The following GARNL3 variants were observed in gnomAD, a reference collection of about 807,000 sequenced individuals.
The protein encoded by GARNL3 is GTPase activating Rap/RanGAP domain like 3.
Under a neutral mutation model 125.0 loss-of-function variants are expected in GARNL3, and 63 were observed. That is an observed-to-expected ratio of 0.50 (90% confidence interval 0.41 to 0.62). The LOEUF (loss-of-function observed/expected upper bound fraction) is 0.62, where lower values mean the gene tolerates loss of function less well. Among genes scored for constraint, GARNL3 ranks in the 20% least tolerant of loss-of-function variants. The pLI is 0.00. For synonymous variants in GARNL3, 439 were observed against 457.5 expected, an observed-to-expected ratio of 0.96 and a Z score of 0.52; for missense variants, 994 against 1,244.0, an observed-to-expected ratio of 0.80 and a Z score of 3.02.
intron 5 of GARNL3, among the ~76,000 whole-genome samples, chr9:127,318,893 T>C (rs1165975514): frequency 6.6e-6 from 1 of 152,188 alleles, no homozygotes; most frequent in East Asian, 1.9e-4. Flanking sequence ...TTATCAGGAA[T>C]TGGAGCCTCA....
At chr9:127,260,924 A>G (rs144750784), upstream of GARNL3, among the ~76,000 whole-genome samples, 108 of 152,208 alleles carry the variant, frequency 7.1e-4, 1 homozygote, top group African/African-American at 2.5e-3. Context: ...GTTATTGCTC[A>G]CTCATATCAG....
intron 11 of GARNL3, among the ~76,000 whole-genome samples, chr9:127,337,675 C>G (rs1829627905): frequency 1.3e-5 from 2 of 152,166 alleles, no homozygotes; most frequent in Admixed American, 1.3e-4. Context: ...CTACCAAACC[C>G]AAAAGGAGAG....
intron 1 of GARNL3, among the ~76,000 whole-genome samples, chr9:127,278,931 T>C (rs559517103): frequency 1.3e-5 from 2 of 152,278 alleles, no homozygotes; most frequent in South Asian, 4.2e-4. Flanking sequence ...TCACCCTCTC[T>C]TTTTCTCTTA....
Position 127,390,787 on chromosome 9 carries a change from C to T in GARNL3, c.2870+20C>T, listed in dbSNP as rs746019449. ...TGACAGGTAAAGAGAGGGAGAGGCC[C>T]CTGCTTGGGGTGGTGGACCTATGAG... is the stretch of plus-strand genomic sequence containing the variant. On this transcript the variant is annotated intron_variant, in intron 27 of 27. Coordinates refer to ENST00000373387, the MANE Select transcript of GARNL3 (RefSeq NM_032293.5). 1.4e-5 allele frequency: 23 copies of T among 1,609,500 alleles called. No homozygotes were observed. The highest frequency in any genetic ancestry group is 1.7e-5 in the Admixed American group (1 of 59,546).
At chr9:127,252,189 C>CT (rs1197590881) in intron 2 of GARNL3, among the ~76,000 whole-genome samples, 3 of 152,100 alleles carry the variant, frequency 2.0e-5, no homozygotes, top group African/African-American at 7.2e-5. Flanking sequence ...CACTTGTATA[C>CT]TTTTTCTCTT....
intron 24 of GARNL3, among the ~76,000 whole-genome samples, chr9:127,386,828 C>G (rs1200873101): frequency 6.6e-6 from 1 of 152,194 alleles, no homozygotes; most frequent in African/African-American, 2.4e-5. Context: ...GCCAAATGGG[C>G]CTAACTGAAT....
intron 22 of GARNL3, among the ~76,000 whole-genome samples, chr9:127,382,506 G>A (rs1288984905): frequency 6.6e-6 from 1 of 151,996 alleles, no homozygotes; most frequent in African/African-American, 2.4e-5. Flanking sequence ...CAGCTACTGG[G>A]GGATTTAAAG....
chr9:127,288,995 A>T (rs192654642), intron 1 of GARNL3, among the ~76,000 whole-genome samples: 6 of 152,162 alleles, frequency 3.9e-5, no homozygotes, highest in African/African-American at 1.4e-4. Flanking sequence ...TCCAGATGTC[A>T]TCTCAGAATG....
chr9:127,359,266 G>T (rs1331641809), intron 21 of GARNL3, among the ~76,000 whole-genome samples: 1 of 152,214 alleles, frequency 6.6e-6, no homozygotes, highest in African/African-American at 2.4e-5. Flanking sequence ...AAGGCCGGCG[G>T]ATCACCTGAG....
At chr9:127,339,884 A>G (rs1314220288) in intron 13 of GARNL3, 133 bp downstream of exon 13, 1 of 695,564 alleles carries the variant, frequency 1.4e-6, no homozygotes, top group Non-Finnish European at 2.6e-6. Flanking sequence ...TTTGCACAAC[A>G]TGTGTTTAGT....
chr9:127,281,537 G>T lies in GARNL3; in HGVS notation c.145-9631G>T, dbSNP rs145179931. Among the ~76,000 whole-genome samples the T allele has an allele frequency of 4.6e-5, 7 of 152,200 alleles. No individual in the cohort carries two copies. The South Asian group carries it at 1.5e-3, about 32-fold the overall frequency. On this transcript the variant is annotated intron_variant, in intron 1 of 27. Transcript: ENST00000373387. ...CAGCTGCCCAGCTGCCCAGTCACCC[G>T]GATCTCCCTGTCCCCCGGCACAGGC...
chr9:127,314,072 T>C (rs1253332607), intron 4 of GARNL3, among the ~76,000 whole-genome samples: 1 of 152,160 alleles, frequency 6.6e-6, no homozygotes, highest in Non-Finnish European at 1.5e-5. Flanking sequence ...TTTGGGTCAT[T>C]GGAAAGCATT....
At chr9:127,356,265 G>C (rs543173171) in intron 20 of GARNL3, among the ~76,000 whole-genome samples, 1 of 152,200 alleles carries the variant, frequency 6.6e-6, no homozygotes, top group Non-Finnish European at 1.5e-5. Flanking sequence ...TGGCAAGAAA[G>C]GTTGGTGGCT....
Position 127,288,439 on chromosome 9 carries a change from G to A in GARNL3, c.145-2729G>A, listed in dbSNP as rs77677716. 3.5e-4 allele frequency among the ~76,000 whole-genome samples: 53 copies of A among 152,308 alleles called. No individual in the cohort carries two copies. The East Asian group carries it at 8.5e-3, about 24-fold the overall frequency. On this transcript the variant is annotated intron_variant, in intron 1 of 27. Transcript: ENST00000373387. ...CATAATCACCCAGGCTGCAGGCTTC[G>A]TTGTGAGGAGCCGCTTGGAGAGGAG...
At chr9:127,272,339 A>G (rs780133357) in intron 1 of GARNL3, among the ~76,000 whole-genome samples, 3 of 150,026 alleles carry the variant, frequency 2.0e-5, no homozygotes, top group Non-Finnish European at 4.4e-5. Flanking sequence ...AGTATTACCA[A>G]ACTGAGAGAT....
chr9:127,227,121 C>G (rs1367328701), intron 1 of GARNL3, among the ~76,000 whole-genome samples: 1 of 152,140 alleles, frequency 6.6e-6, no homozygotes, highest in Non-Finnish European at 1.5e-5. Flanking sequence ...TTGGGCAGTG[C>G]CAGTTTAGAA....
At chr9:127,246,520 T>A (rs553092418) in intron 2 of GARNL3, among the ~76,000 whole-genome samples, 1 of 152,202 alleles carries the variant, frequency 6.6e-6, no homozygotes, top group Admixed American at 6.5e-5. Context: ...GAAAATGATA[T>A]CGGGGCCAGG....
intron 2 of GARNL3, among the ~76,000 whole-genome samples, chr9:127,254,929 C>T (rs2063471994): frequency 6.6e-6 from 1 of 152,142 alleles, no homozygotes; most frequent in Non-Finnish European, 1.5e-5. Context: ...CAGAGGAATG[C>T]AAATTAAAGC....
intron 12 of GARNL3, among the ~76,000 whole-genome samples, chr9:127,338,848 C>T (rs1277152003): frequency 6.6e-6 from 1 of 152,204 alleles, no homozygotes. Flanking sequence ...GAGGTAGTGG[C>T]CTCGGCCCTG....
Sources: allele counts gnomAD v4.1 joint callset (sites outside exome capture counted in the v4.1 genomes callset), GRCh38; gene constraint gnomAD v4.1.1; transcripts MANE v1.5; gene names NCBI Gene and HGNC (gene_info 2026-07-23, HGNC 2026-07-21).